The following MBTD1 variants were observed in gnomAD, a reference collection of about 807,000 sequenced individuals.
MBTD1 encodes MBT domain-containing protein 1.
Under a neutral mutation model 87.8 loss-of-function variants are expected in MBTD1, and 24 were observed. That is an observed-to-expected ratio of 0.27 (90% confidence interval 0.20 to 0.38). MBTD1 has a LOEUF of 0.38. Ranked by LOEUF, MBTD1 falls within the 10% of genes least tolerant of loss-of-function variation. The probability of loss-of-function intolerance (pLI) is 1.00; values close to 1 mark genes in which losing one functional copy is unlikely to be tolerated. For missense variants in MBTD1, 436 were observed against 760.2 expected (o/e 0.57, Z 5.02); for synonymous variants, 237 against 248.6 (o/e 0.95, Z 0.44).
chr17:51,231,898 C>T (rs541496350), intron 2 of MBTD1, among the ~76,000 whole-genome samples: 35 of 151,438 alleles, frequency 2.3e-4, no homozygotes, highest in South Asian at 1.3e-3. Context: ...AGAATACCAG[C>T]GAACTAAATA....
In MBTD1 at chr17:51,259,840, C is replaced by A. The variant is rs925322034; in HGVS notation, c.-118G>T. On this transcript the variant is annotated 5_prime_UTR_variant, in exon 1 of 17. Transcript: ENST00000586178. ...CTGCCGCGCTCGGCTCTCACCAGATCCTTTGTGTTTTCCATCAGGGCCTCA... is the reference window on the plus strand; with the variant it reads ...CTGCCGCGCTCGGCTCTCACCAGATACTTTGTGTTTTCCATCAGGGCCTCA... 4 of 1,231,912 alleles carry A rather than the reference C, an allele frequency of 3.2e-6. No homozygotes were observed. The African/African-American group carries it at 6.2e-5, about 19-fold the overall frequency. The allele number at this position is 1,231,912 out of a possible 1,614,324, so 76.3% of individuals were successfully genotyped here.
At chr17:51,220,488 G>A (rs1267906587) in intron 3 of MBTD1, 25 bp from the exon 4 acceptor site, 2 of 1,503,030 alleles carry the variant, frequency 1.3e-6, no homozygotes, top group Non-Finnish European at 1.8e-6. Flanking sequence ...AAAAACACTG[G>A]TGTTATGATG....
intron 3 of MBTD1, among the ~76,000 whole-genome samples, chr17:51,222,554 G>A (rs1318177442): frequency 6.6e-6 from 1 of 151,652 alleles, no homozygotes; most frequent in Non-Finnish European, 1.5e-5. Flanking sequence ...ACAGGCACAC[G>A]CCACCATGCC....
chr17:51,246,762 A>C (rs1200491416), intron 2 of MBTD1, among the ~76,000 whole-genome samples: 1 of 152,050 alleles, frequency 6.6e-6, no homozygotes, highest in African/African-American at 2.4e-5. Context: ...TAGCCTCCTG[A>C]GTAGCTGGGA....
At chr17:51,255,967 A>G (rs953564313) in intron 2 of MBTD1, among the ~76,000 whole-genome samples, 5 of 152,192 alleles carry the variant, frequency 3.3e-5, no homozygotes, top group African/African-American at 1.2e-4. Context: ...ACAAAGAAGT[A>G]TTAGACTTAA....
intron 3 of MBTD1, among the ~76,000 whole-genome samples, chr17:51,222,894 G>C (rs1380895723): frequency 6.6e-6 from 1 of 151,348 alleles, no homozygotes; most frequent in African/African-American, 2.4e-5. Flanking sequence ...TCTGCCTCCT[G>C]GGTACAAGCA....
At chr17:51,196,874 A>G (rs2145134722) in intron 12 of MBTD1, among the ~76,000 whole-genome samples, 1 of 151,850 alleles carries the variant, frequency 6.6e-6, no homozygotes, top group Non-Finnish European at 1.5e-5. Flanking sequence ...CCTGGGTGAC[A>G]GAGCAAGACT....
chr17:51,232,538 A>G (rs1568215064), intron 2 of MBTD1, among the ~76,000 whole-genome samples: 1 of 152,170 alleles, frequency 6.6e-6, no homozygotes, highest in Non-Finnish European at 1.5e-5. Flanking sequence ...AGACATGGCT[A>G]AAGAGAATTA....
At chr17:51,229,791 G>C (rs2053449912) in intron 2 of MBTD1, among the ~76,000 whole-genome samples, 1 of 151,564 alleles carries the variant, frequency 6.6e-6, no homozygotes, top group South Asian at 2.1e-4. Context: ...ATCCCAAGTA[G>C]ATGGGATTAC....
In MBTD1 at chr17:51,214,845, A is replaced by C. The variant is rs973266008; in HGVS notation, c.486+2489T>G. Among the ~76,000 whole-genome samples, 8 of 152,204 alleles carry C rather than the reference A, an allele frequency of 5.3e-5. No individual in the cohort carries two copies. The East Asian group carries it at 1.5e-3, about 29-fold the overall frequency. The stretch of plus-strand genomic sequence containing the variant: ...AGTCTTAGAAGACTTTGATGATACA[A>C]GGCAGGATCTTGTACTCCTAGTAGC... On this transcript the variant is annotated intron_variant, in intron 6 of 16. Transcript: ENST00000586178.
Position 51,202,077 on chromosome 17 carries a change from T to C in MBTD1, c.1064A>G (p.Asp355Gly), listed in dbSNP as rs749142808. 5 of 1,594,528 alleles carry C rather than the reference T, an allele frequency of 3.1e-6. No homozygotes were observed. In the Admixed American group the frequency reaches 8.4e-5, roughly 27 times the overall value. Residue 355 changes from aspartate (D) to glycine (G), a missense_variant and splice_region_variant, in exon 11 of 17, where the codon GAT becomes GGT. Coordinates refer to ENST00000586178, the MANE Select transcript of MBTD1 (RefSeq NM_017643.3). ...RSIGHRFKRS[D>G]ITKKQDGHFD... ...ATGTCCATCCTGTTTCTTTGTAATA[T>C]CTACAAGGAAAAGTTACACACTAAT...
intron 6 of MBTD1, among the ~76,000 whole-genome samples, chr17:51,208,639 T>C (rs1182591792): frequency 6.6e-6 from 1 of 152,156 alleles, no homozygotes; most frequent in Non-Finnish European, 1.5e-5. Flanking sequence ...CATCCATCCC[T>C]CTGTCTGGTT....
At chr17:51,227,609 A>C (rs2053304733) in intron 2 of MBTD1, among the ~76,000 whole-genome samples, 1 of 152,040 alleles carries the variant, frequency 6.6e-6, no homozygotes, top group East Asian at 1.9e-4. Context: ...CATGTTGGAA[A>C]AGAAAAAAAA....
intron 16 of MBTD1, among the ~76,000 whole-genome samples, chr17:51,190,721 CAAAAAAAAAAA>C (rs1165717944): frequency 1.4e-4 from 5 of 35,170 alleles, no homozygotes; most frequent in African/African-American, 7.4e-4. Flanking sequence ...GACTCTGTCT[CAAAAAAAAAAA>C]AAAAAAAAAA....
intron 7 of MBTD1, among the ~76,000 whole-genome samples, chr17:51,204,904 G>C (rs76930540): frequency 6.6e-6 from 1 of 152,096 alleles, no homozygotes; most frequent in Admixed American, 6.6e-5. Context: ...TTTTTCTGTC[G>C]TATGTATTTG....
chr17:51,186,601 C>T (rs1280204199), intron 16 of MBTD1, among the ~76,000 whole-genome samples: 2 of 152,002 alleles, frequency 1.3e-5, no homozygotes, highest in East Asian at 3.9e-4. Context: ...ACAGTGAAGC[C>T]CCATCTCTAC....
At chr17:51,202,100 A>G in intron 10 of MBTD1, 23 bp from the exon 11 acceptor site, 3 of 1,498,674 alleles carry the variant, frequency 2.0e-6, no homozygotes, top group Non-Finnish European at 2.8e-6. Flanking sequence ...GTTACACACT[A>G]ATCTGTCAGC....
rs777875400 is a variant in MBTD1 at position 51,192,913 on chromosome 17, C to T, written c.1559G>A (p.Arg520His). ...CVATVTRIIH[R>H]LLRIHFDGWE... ...TCCATCAAAATGTATCCTCAAGAGA[C>T]GATGAATAATTCGAGTTACTGTGGC... Residue 520 changes from arginine (R) to histidine (H), a missense_variant, in exon 15 of 17, where the codon CGT (arginine) becomes CAT (histidine). Physicochemically the swap from Arg to His is conservative, Grantham distance 29 (BLOSUM62 0). Around this residue, in one of 5 missense-constraint regions of MBTD1, gnomAD observed 80 missense variants for 182.2 expected, o/e 0.44. Coordinates refer to ENST00000586178, the MANE Select transcript of MBTD1 (RefSeq NM_017643.3). 8.7e-6 allele frequency: 14 copies of T among 1,613,982 alleles called. No individual in the cohort carries two copies. Among genetic ancestry groups the T allele is most frequent in the East Asian group, 2.2e-5 (1 of 44,886 alleles).
Position 51,225,138 on chromosome 17 carries a change from G to A in MBTD1, c.24C>T (p.Cys8=). The A allele has an allele frequency of 6.5e-7, 1 of 1,549,816 alleles. No homozygotes were observed. The highest frequency in any genetic ancestry group is 8.7e-7 in the Non-Finnish European group (1 of 1,146,302). MFDGYDS[C]SEDTSSSSSS... ...TGGAGCTGCTGCTTGTGTCCTCACT[G>A]CAGCTATCATAACCGTCAAACATCC... The change falls in exon 3 of 17, where the codon TGC becomes TGT. Residue 8 remains cysteine, a synonymous_variant. Coordinates refer to ENST00000586178, the MANE Select transcript of MBTD1 (RefSeq NM_017643.3).
Sources: gnomAD v4.1 joint callset for allele counts (sites outside exome capture counted in the v4.1 genomes callset) on GRCh38, gnomAD v4.1.1 for gene constraint, gnomAD v4.1.1 regional missense constraint, MANE v1.5 for transcripts, NCBI Gene and HGNC (gene_info 2026-07-23, HGNC 2026-07-21) for gene names.